SAMMSON: variants seen among roughly 807,000 people sequenced by gnomAD.
SAMMSON encodes survival associated mitochondrial melanoma specific oncogenic non-coding RNA, also known as long intergenic non-protein coding RNA 1212.
chr3:70,418,422 C>T (rs959341955), intron 2 of SAMMSON, among the ~76,000 whole-genome samples: 5 of 152,160 alleles, frequency 3.3e-5, no homozygotes, highest in Non-Finnish European at 7.3e-5. Flanking sequence ...GGGTGGATGT[C>T]AGGGCATCTG....
At chr3:70,005,303 C>G (rs527457689) in intron 1 of SAMMSON, among the ~76,000 whole-genome samples, 30 of 150,832 alleles carry the variant, frequency 2.0e-4, no homozygotes, top group Non-Finnish European at 2.5e-4. Flanking sequence ...TTATTATTCA[C>G]AGTACTTACA....
chr3:70,085,311 C>T (rs781181891), intron 4 of SAMMSON, among the ~76,000 whole-genome samples: 6 of 152,148 alleles, frequency 3.9e-5, no homozygotes, highest in Non-Finnish European at 8.8e-5. Context: ...AATAAACATG[C>T]GAGAATTCTT....
chr3:70,047,779 T>G (rs1294975185), intron 3 of SAMMSON, among the ~76,000 whole-genome samples: 3 of 152,124 alleles, frequency 2.0e-5, no homozygotes, highest in Non-Finnish European at 4.4e-5. Context: ...TAGACCTTCT[T>G]ACTGTGTCTT....
At chr3:70,350,889 G>C (rs909894803) in intron 7 of SAMMSON, among the ~76,000 whole-genome samples, 21 of 152,080 alleles carry the variant, frequency 1.4e-4, no homozygotes, top group African/African-American at 5.1e-4. Flanking sequence ...ATGAGCAAAA[G>C]CCAATCTTGC....
intron 2 of SAMMSON, among the ~76,000 whole-genome samples, chr3:70,434,042 G>A (rs546210583): frequency 2.0e-5 from 3 of 152,154 alleles, no homozygotes; most frequent in South Asian, 4.1e-4. Flanking sequence ...CTTGATTGAC[G>A]TAGCTTTATA....
chr3:70,017,663 GT>G (rs2066991900), intron 3 of SAMMSON, among the ~76,000 whole-genome samples: 1 of 152,092 alleles, frequency 6.6e-6, no homozygotes, highest in Admixed American at 6.5e-5. Flanking sequence ...TCTTGTGCCA[GT>G]TTTCAAAGGG....
chr3:70,249,249 A>G (rs1701736766), intron 5 of SAMMSON: 1 of 152,152 alleles, frequency 6.6e-6, no homozygotes, highest in Admixed American at 6.6e-5. Flanking sequence ...ACCGGTTTGA[A>G]GGGACAGAAC....
In SAMMSON at chr3:70,414,225, A is replaced by T. The variant is rs1166568148; in HGVS notation, n.234-48335A>T. On this transcript the variant is annotated intron_variant and non_coding_transcript_variant, in intron 2 of 3. Transcript: ENST00000641053. ...GGTTCACAACATGTAAAAACCCATT[A>T]TCATGGGTCATTTCAGCTCATCCCA... Among the ~76,000 whole-genome samples, 11 of 152,108 alleles carry T rather than the reference A, an allele frequency of 7.2e-5. No individual in the cohort carries two copies. In the East Asian group the frequency reaches 2.1e-3, roughly 29 times the overall value.
chr3:70,125,910 A>G (rs2067456169), intron 4 of SAMMSON: 1 of 703,782 alleles, frequency 1.4e-6, no homozygotes, highest in Non-Finnish European at 2.6e-6. Flanking sequence ...ATAATTCCTC[A>G]TCGTCTTCTG....
At chr3:70,237,281 C>T (rs1282759849) in intron 4 of SAMMSON, among the ~76,000 whole-genome samples, 5 of 152,190 alleles carry the variant, frequency 3.3e-5, no homozygotes, top group Non-Finnish European at 4.4e-5. Flanking sequence ...TTCTCCAGTG[C>T]GGATACACCA....
At chr3:70,421,588 T>C (rs1382397806) in intron 2 of SAMMSON, among the ~76,000 whole-genome samples, 4 of 152,118 alleles carry the variant, frequency 2.6e-5, no homozygotes, top group African/African-American at 9.7e-5. Flanking sequence ...TAAATAAAAG[T>C]TGCAATTAGA....
At chr3:70,144,148 T>C (rs1210288724) in intron 4 of SAMMSON, among the ~76,000 whole-genome samples, 1 of 152,136 alleles carries the variant, frequency 6.6e-6, no homozygotes. Context: ...AGACATCCCA[T>C]TTAAATGTTT....
chr3:70,337,750 C>T (rs977288256), intron 7 of SAMMSON, among the ~76,000 whole-genome samples: 1 of 151,874 alleles, frequency 6.6e-6, no homozygotes, highest in East Asian at 1.9e-4. Context: ...ATCCACTACT[C>T]ATGTACTCCA....
chr3:70,075,865 G>C (rs2067246648), intron 4 of SAMMSON, among the ~76,000 whole-genome samples: 2 of 133,222 alleles, frequency 1.5e-5, no homozygotes, highest in Non-Finnish European at 3.1e-5. Context: ...TTCTATAATT[G>C]TTATTTTTCG....
chr3:70,163,934 C>A (rs1441134038), intron 4 of SAMMSON, among the ~76,000 whole-genome samples: 3 of 151,942 alleles, frequency 2.0e-5, no homozygotes, highest in Non-Finnish European at 4.4e-5. Context: ...AAGGTAATTG[C>A]CTTGTATAGT....
chr3:70,337,135 C>A (rs1421606961), intron 7 of SAMMSON, among the ~76,000 whole-genome samples: 4 of 74,794 alleles, frequency 5.3e-5, no homozygotes, highest in Non-Finnish European at 1.2e-4. Flanking sequence ...TAATATCTAA[C>A]TTAATATTAT....
chr3:70,390,675 C>T (rs995831827), downstream of SAMMSON, among the ~76,000 whole-genome samples: 1 of 152,100 alleles, frequency 6.6e-6, no homozygotes, highest in Non-Finnish European at 1.5e-5. Context: ...ACCCACATAC[C>T]TCCCCACCAG....
intron 4 of SAMMSON, among the ~76,000 whole-genome samples, chr3:70,089,450 C>T (rs1306634663): frequency 2.7e-5 from 4 of 146,904 alleles, no homozygotes; most frequent in South Asian, 2.1e-4. Flanking sequence ...TCAGCTTGGA[C>T]GTAATGAATT....
intron 3 of SAMMSON, among the ~76,000 whole-genome samples, chr3:70,026,406 C>G (rs1032525611): frequency 3.3e-5 from 5 of 152,096 alleles, no homozygotes; most frequent in South Asian, 2.1e-4. Flanking sequence ...GTCTTTCTCA[C>G]TTGTCTCTCT....
Sources: allele counts gnomAD v4.1 joint callset (sites outside exome capture counted in the v4.1 genomes callset), GRCh38; gene constraint gnomAD v4.1.1; transcripts MANE v1.5; gene names NCBI Gene and HGNC (gene_info 2026-07-23, HGNC 2026-07-21).